TMEM117: variants seen among roughly 807,000 people sequenced by gnomAD.
TMEM117 encodes the protein transmembrane protein 117.
Under a neutral mutation model 52.4 loss-of-function variants are expected in TMEM117, and 27 were observed. That is an observed-to-expected ratio of 0.51 (90% CI 0.38 to 0.71). The LOEUF (loss-of-function observed/expected upper bound fraction) is 0.71. TMEM117 is among the 30% of genes least tolerant of loss of function. The probability of loss-of-function intolerance (pLI) is 0.00; values close to 1 mark genes in which losing one functional copy is unlikely to be tolerated. For synonymous variants in TMEM117, 215 were observed against 206.3 expected, an observed-to-expected ratio of 1.04 and a Z score of -0.36; for missense variants, 556 against 630.5, an observed-to-expected ratio of 0.88 and a Z score of 1.26.
intron 3 of TMEM117, among the ~76,000 whole-genome samples, chr12:43,966,414 TGAAA>T (rs1945486782): frequency 6.6e-6 from 1 of 152,064 alleles, no homozygotes; most frequent in African/African-American, 2.4e-5. Context: ...CCTTTGAAAG[TGAAA>T]GAAAGTACTG....
At chr12:43,850,240 A>C (rs1274817076) in intron 2 of TMEM117, among the ~76,000 whole-genome samples, 1 of 152,206 alleles carries the variant, frequency 6.6e-6, no homozygotes, top group Non-Finnish European at 1.5e-5. Context: ...GGAAGGATTC[A>C]TGGTAAGTAA....
intron 2 of TMEM117, 161 bp downstream of exon 2, chr12:43,845,089 C>A: frequency 1.4e-6 from 1 of 729,630 alleles, no homozygotes; most frequent in South Asian, 2.1e-5. Context: ...TTCAACTACT[C>A]TCTGTTAATG....
intron 2 of TMEM117, among the ~76,000 whole-genome samples, chr12:43,942,394 G>A (rs1945057954): frequency 6.6e-6 from 1 of 152,130 alleles, no homozygotes; most frequent in African/African-American, 2.4e-5. Flanking sequence ...TATGTTGTGT[G>A]GAGGCTTGAA....
At chr12:44,321,931 T>G (rs1401560238) in intron 6 of TMEM117, among the ~76,000 whole-genome samples, 1 of 152,188 alleles carries the variant, frequency 6.6e-6, no homozygotes, top group Non-Finnish European at 1.5e-5. Flanking sequence ...CATGGTTTAT[T>G]TGATGGAAAG....
intron 4 of TMEM117, among the ~76,000 whole-genome samples, chr12:44,200,131 A>C (rs941998590): frequency 6.6e-6 from 1 of 152,060 alleles, no homozygotes; most frequent in Non-Finnish European, 1.5e-5. Flanking sequence ...AAAACACACA[A>C]ACAAACAAAC....
At chr12:43,957,539 C>T (rs1945329873) in intron 3 of TMEM117, among the ~76,000 whole-genome samples, 1 of 152,130 alleles carries the variant, frequency 6.6e-6, no homozygotes, top group South Asian at 2.1e-4. Flanking sequence ...ATTCCAAATA[C>T]ATTTTCTAAT....
chr12:43,797,620 A>G, the TMEM117 span: 1 of 1,487,882 alleles, frequency 6.7e-7, no homozygotes, highest in South Asian at 1.4e-5. Context: ...AAGCTATTTA[A>G]AATGTAAAAT....
intron 5 of TMEM117, among the ~76,000 whole-genome samples, chr12:44,254,420 T>C (rs1950233171): frequency 1.3e-5 from 2 of 151,822 alleles, no homozygotes; most frequent in Admixed American, 1.3e-4. Context: ...TAACACAAAA[T>C]GAAATGAAAA....
chr12:44,299,628 G>T lies in TMEM117; in HGVS notation c.657G>T (p.Thr219=), dbSNP rs141446707. The change falls in exon 6 of 8, where the codon ACG becomes ACT. Residue 219 remains threonine (T), a synonymous_variant. Transcript: ENST00000266534. ...CTGTGGTTGTACTTGTGATTACAAC[G>T]GACTGGATCAGCTGGGACAAGCTGA... ...LTSVVVLVIT[T]DWISWDKLNR... is the part of the protein sequence containing the mutation. The T allele has an allele frequency of 6.2e-7, 1 of 1,614,040 alleles. No individual in the cohort carries two copies. Among genetic ancestry groups the T allele is most frequent in the African/African-American group, 1.3e-5 (1 of 74,920 alleles).
chr12:43,799,356 A>C, the TMEM117 span: 2 of 1,316,682 alleles, frequency 1.5e-6, no homozygotes, highest in South Asian at 2.6e-5. Context: ...CAGTATTTTC[A>C]AACACTTAAA....
chr12:44,056,756 C>G (rs770862316), intron 3 of TMEM117, among the ~76,000 whole-genome samples: 4 of 152,200 alleles, frequency 2.6e-5, no homozygotes, highest in Non-Finnish European at 5.9e-5. Context: ...GTATCTCTCT[C>G]TCTCTCTGTC....
chr12:44,196,112 A>G (rs1454051847), intron 4 of TMEM117, among the ~76,000 whole-genome samples: 1 of 151,986 alleles, frequency 6.6e-6, no homozygotes, highest in African/African-American at 2.4e-5. Flanking sequence ...AAAAGAAAGA[A>G]TAAGTTGACA....
At chr12:44,250,227 CAT>C (rs1565636612) in intron 5 of TMEM117, among the ~76,000 whole-genome samples, 27 of 151,108 alleles carry the variant, frequency 1.8e-4, no homozygotes, top group African/African-American at 5.9e-4. Context: ...GGCCAACAAA[CAT>C]ATGAAAAAAG....
intron 6 of TMEM117, among the ~76,000 whole-genome samples, chr12:44,350,428 T>G (rs1454007575): frequency 2.6e-5 from 4 of 152,042 alleles, no homozygotes; most frequent in African/African-American, 9.7e-5. Flanking sequence ...TTTCAAAAGG[T>G]ACAATTAAAT....
chr12:44,088,565 A>G (rs1379186851), intron 3 of TMEM117, among the ~76,000 whole-genome samples: 1 of 152,230 alleles, frequency 6.6e-6, no homozygotes, highest in Non-Finnish European at 1.5e-5. Flanking sequence ...GATTTGAATT[A>G]GAACTGATGT....
chr12:44,189,582 CT>C (rs961129804), intron 4 of TMEM117, among the ~76,000 whole-genome samples: 4 of 152,148 alleles, frequency 2.6e-5, no homozygotes, highest in Admixed American at 6.6e-5. Context: ...AAAAAATAAA[CT>C]TTTGCCTTGT....
At chr12:43,861,475 C>A (rs1482657414) in intron 2 of TMEM117, among the ~76,000 whole-genome samples, 4 of 152,218 alleles carry the variant, frequency 2.6e-5, no homozygotes, top group Non-Finnish European at 2.9e-5. Context: ...GAACTCTATG[C>A]TATCCACTGA....
At chr12:43,979,165 A>G (rs536594030) in intron 3 of TMEM117, among the ~76,000 whole-genome samples, 2 of 151,956 alleles carry the variant, frequency 1.3e-5, no homozygotes, top group East Asian at 3.9e-4. Flanking sequence ...AAGGTGTGTA[A>G]GTTGCTAGTA....
At chr12:44,220,783 A>G (rs1164166918) in intron 5 of TMEM117, among the ~76,000 whole-genome samples, 1 of 152,186 alleles carries the variant, frequency 6.6e-6, no homozygotes, top group East Asian at 1.9e-4. Flanking sequence ...GCAAGAGTCA[A>G]CCCAAAAGAA....
Sources: gnomAD v4.1 joint callset for allele counts (sites outside exome capture counted in the v4.1 genomes callset) on GRCh38, gnomAD v4.1.1 for gene constraint, MANE v1.5 for transcripts, NCBI Gene and HGNC (gene_info 2026-07-23, HGNC 2026-07-21) for gene names.